PDE7A: variants seen among roughly 807,000 people sequenced by gnomAD.
The protein encoded by PDE7A is high affinity 3',5'-cyclic-AMP phosphodiesterase 7A.
Under a neutral mutation model 64.3 loss-of-function variants are expected in PDE7A, and 39 were observed. The observed-to-expected ratio is 0.61, with a 90% CI of 0.47 to 0.79. PDE7A has a LOEUF of 0.79. PDE7A is among the 30% of genes least tolerant of loss of function. The pLI, the probability that PDE7A is intolerant of heterozygous loss-of-function variation, is 0.00. For missense variants in PDE7A, 470 were observed against 582.8 expected, an observed-to-expected ratio of 0.81 and a Z score of 1.99; for synonymous variants, 203 against 206.8, an observed-to-expected ratio of 0.98 and a Z score of 0.16.
intron 6 of PDE7A, among the ~76,000 whole-genome samples, chr8:65,735,203 A>T (rs1319779735): frequency 1.3e-5 from 2 of 152,176 alleles, no homozygotes; most frequent in Non-Finnish European, 2.9e-5. Context: ...AAGGAAAGCG[A>T]GCCTACCTGT....
At chr8:65,768,408 A>C (rs555786295) in intron 3 of PDE7A, among the ~76,000 whole-genome samples, 1 of 152,136 alleles carries the variant, frequency 6.6e-6, no homozygotes, top group Non-Finnish European at 1.5e-5. Flanking sequence ...ATGATAGTGA[A>C]TAAGTCTCAG....
At chr8:65,811,515 GC>G (rs1202065708) in intron 1 of PDE7A, among the ~76,000 whole-genome samples, 1 of 152,218 alleles carries the variant, frequency 6.6e-6, no homozygotes, top group Non-Finnish European at 1.5e-5. Context: ...ACAGAGGTTA[GC>G]CTCTTTCAGC....
At chr8:65,737,233 T>A (rs1412692276) in intron 6 of PDE7A, among the ~76,000 whole-genome samples, 4 of 152,104 alleles carry the variant, frequency 2.6e-5, no homozygotes, top group Non-Finnish European at 5.9e-5. Context: ...ATGGATTCCT[T>A]ATGGCTTTAA....
At chr8:65,729,351 T>G in intron 7 of PDE7A, among the ~76,000 whole-genome samples, 1 of 148,998 alleles carries the variant, frequency 6.7e-6, no homozygotes, top group African/African-American at 2.5e-5. Flanking sequence ...ACAGTGAGTT[T>G]CGTTGGTGGT....
intron 1 of PDE7A, among the ~76,000 whole-genome samples, chr8:65,808,427 A>G (rs1810160853): frequency 6.6e-6 from 1 of 152,204 alleles, no homozygotes; most frequent in African/African-American, 2.4e-5. Flanking sequence ...TTATTTCTAT[A>G]AAAGAATATT....
At chr8:65,764,191 G>A (rs146906360) in intron 3 of PDE7A, among the ~76,000 whole-genome samples, 1 of 152,192 alleles carries the variant, frequency 6.6e-6, no homozygotes, top group Non-Finnish European at 1.5e-5. Flanking sequence ...ACAGGAAAAA[G>A]GGACATGGGA....
chr8:65,819,196 C>T (rs1394255283), intron 1 of PDE7A, among the ~76,000 whole-genome samples: 1 of 152,194 alleles, frequency 6.6e-6, no homozygotes, highest in Non-Finnish European at 1.5e-5. Flanking sequence ...GAGTTCAAGA[C>T]CAGCCTGGGC....
At chr8:65,771,905 A>AAG (rs1554564322) in intron 3 of PDE7A, among the ~76,000 whole-genome samples, 60 of 145,456 alleles carry the variant, frequency 4.1e-4, no homozygotes, top group African/African-American at 1.6e-3. Flanking sequence ...AAAAAAAAAA[A>AAG]AAGAAGAAGA....
intron 1 of PDE7A, among the ~76,000 whole-genome samples, chr8:65,805,694 A>G (rs1309936765): frequency 6.6e-6 from 1 of 152,178 alleles, no homozygotes; most frequent in East Asian, 1.9e-4. Flanking sequence ...TTTGAGGGAT[A>G]ATGGTACTGT....
chr8:65,749,579 A>G (rs1309231479), intron 3 of PDE7A, among the ~76,000 whole-genome samples: 13 of 152,272 alleles, frequency 8.5e-5, no homozygotes, highest in Admixed American at 3.3e-4. Flanking sequence ...GTTTGAAGAA[A>G]TTTGGGTAGA....
intron 6 of PDE7A, among the ~76,000 whole-genome samples, chr8:65,738,163 G>A (rs968858207): frequency 1.3e-5 from 2 of 151,640 alleles, no homozygotes; most frequent in Non-Finnish European, 1.5e-5. Flanking sequence ...AAAAAAAAAC[G>A]ATGTATACAC....
At position 65,719,240 on chromosome 8, in the gene PDE7A, C is replaced by T. The variant is rs1474786286; in HGVS notation, c.*50G>A. 1.5e-6 allele frequency: 2 copies of T among 1,315,056 alleles called. No homozygotes were observed. The highest frequency in any genetic ancestry group is 4.6e-5 in the East Asian group (2 of 43,446). The allele number at this position is 1,315,056 out of a possible 1,614,324, so 81.5% of individuals were successfully genotyped here. On this transcript the variant is annotated 3_prime_UTR_variant, in exon 13 of 13. Transcript: ENST00000401827. ...GTTCTCTCACCTCAAGACCCCATTT[C>T]ACATTTCTAAAAACCTCCAGGAGGC...
At chr8:65,799,495 C>T (rs1039593362) in intron 1 of PDE7A, among the ~76,000 whole-genome samples, 4 of 152,050 alleles carry the variant, frequency 2.6e-5, no homozygotes, top group Non-Finnish European at 4.4e-5. Flanking sequence ...ATTAACACAG[C>T]GGAAGACTTC....
At chr8:65,829,934 T>C (rs1810771981) in intron 1 of PDE7A, among the ~76,000 whole-genome samples, 2 of 152,170 alleles carry the variant, frequency 1.3e-5, no homozygotes, top group Non-Finnish European at 2.9e-5. Flanking sequence ...TGTATACCCC[T>C]GGAAGCATAT....
intron 3 of PDE7A, among the ~76,000 whole-genome samples, chr8:65,754,510 G>A (rs549894075): frequency 4.7e-4 from 71 of 151,306 alleles, no homozygotes; most frequent in Non-Finnish European, 3.0e-4. Context: ...ACTAATTTTT[G>A]TATTTTTAGT....
intron 8 of PDE7A, 49 bp downstream of exon 8, chr8:65,727,121 T>G (rs765651825): frequency 8.2e-7 from 1 of 1,216,894 alleles, no homozygotes; most frequent in Non-Finnish European, 1.2e-6. Context: ...ATATGAAAGA[T>G]TTTCTAGAAT....
intron 1 of PDE7A, among the ~76,000 whole-genome samples, chr8:65,787,055 CT>C (rs1809577719): frequency 6.6e-6 from 1 of 152,116 alleles, no homozygotes; most frequent in African/African-American, 2.4e-5. Flanking sequence ...TAATACATAA[CT>C]TTTAAAGACA....
chr8:65,725,044 A>G, intron 9 of PDE7A, 123 bp from the exon 10 acceptor site: 1 of 497,162 alleles, frequency 2.0e-6, no homozygotes, highest in East Asian at 3.4e-5. Flanking sequence ...CTATCATTCA[A>G]TTTAAAATTT....
intron 1 of PDE7A, among the ~76,000 whole-genome samples, chr8:65,829,269 G>T (rs1260936855): frequency 6.6e-6 from 1 of 152,048 alleles, no homozygotes; most frequent in Admixed American, 6.6e-5. Flanking sequence ...TTTATAAAAG[G>T]TTAAGTTGCA....
Sources: allele counts gnomAD v4.1 joint callset (sites outside exome capture counted in the v4.1 genomes callset), GRCh38; gene constraint gnomAD v4.1.1; transcripts MANE v1.5; gene names NCBI Gene and HGNC (gene_info 2026-07-23, HGNC 2026-07-21).